Variants in MEF2C observed in about 807,000 individuals in gnomAD.
MEF2C encodes the protein myocyte-specific enhancer factor 2C.
In MEF2C, 6 loss-of-function variants were observed where a neutral mutation model predicts 50.5. That is an observed-to-expected ratio of 0.12 (90% confidence interval 0.07 to 0.23). The LOEUF is 0.23. Ranked by LOEUF, MEF2C falls within the 10% of genes least tolerant of loss-of-function variation. MEF2C has a pLI of 1.00. For synonymous variants in MEF2C, 183 were observed against 228.0 expected, an observed-to-expected ratio of 0.80 and a Z score of 1.78; for missense variants, 276 against 605.0, an observed-to-expected ratio of 0.46 and a Z score of 5.70.
intron 1 of MEF2C, among the ~76,000 whole-genome samples, chr5:88,846,404 G>A (rs556877997): frequency 1.7e-4 from 26 of 152,206 alleles, no homozygotes; most frequent in South Asian, 1.4e-3. Flanking sequence ...CAAATATATG[G>A]CATTTCCCTA....
chr5:88,801,802 T>C (rs556923277), intron 3 of MEF2C, among the ~76,000 whole-genome samples: 2 of 152,230 alleles, frequency 1.3e-5, no homozygotes, highest in South Asian at 4.1e-4. Flanking sequence ...GGGAACTTTT[T>C]ATAAATGCAA....
chr5:88,747,981 C>T, intron 6 of MEF2C: 1 of 892,600 alleles, frequency 1.1e-6, no homozygotes, highest in Non-Finnish European at 1.3e-6. Flanking sequence ...TAATTTGGCT[C>T]GACCTAATTT....
chr5:88,767,353 T>C (rs1360375087), intron 3 of MEF2C, among the ~76,000 whole-genome samples: 1 of 152,198 alleles, frequency 6.6e-6, no homozygotes, highest in African/African-American at 2.4e-5. Flanking sequence ...GTAAGCATTG[T>C]CTATACTATC....
intron 4 of MEF2C, among the ~76,000 whole-genome samples, chr5:88,754,264 A>G (rs1340313989): frequency 6.6e-6 from 1 of 152,084 alleles, no homozygotes; most frequent in Non-Finnish European, 1.5e-5. Context: ...CGAAGACCCC[A>G]TCTCTTTTTG....
At chr5:88,821,455 G>T (rs371246665) in intron 2 of MEF2C, among the ~76,000 whole-genome samples, 8 of 151,722 alleles carry the variant, frequency 5.3e-5, no homozygotes, top group East Asian at 3.9e-4. Context: ...ATAAGAGATT[G>T]CATCTCCTTA....
chr5:88,868,546 A>AC (rs1299146948), intron 1 of MEF2C, among the ~76,000 whole-genome samples: 2 of 151,976 alleles, frequency 1.3e-5, no homozygotes, highest in African/African-American at 2.4e-5. Flanking sequence ...TCCGTGTGAC[A>AC]CCCCCCACCC....
chr5:88,799,070 T>G (rs937664304), intron 3 of MEF2C, among the ~76,000 whole-genome samples: 1 of 152,196 alleles, frequency 6.6e-6, no homozygotes, highest in Non-Finnish European at 1.5e-5. Flanking sequence ...TCGTATGAGG[T>G]GTCTGTCGAC....
At chr5:88,772,995 A>G (rs1178242238) in intron 3 of MEF2C, 2 of 827,770 alleles carry the variant, frequency 2.4e-6, no homozygotes, top group African/African-American at 3.7e-5. Context: ...TGTTCTGATT[A>G]GAGAAAAGTG....
chr5:88,782,461 T>A (rs534124108), intron 3 of MEF2C, among the ~76,000 whole-genome samples: 1 of 66,076 alleles, frequency 1.5e-5, no homozygotes, highest in African/African-American at 4.7e-5. Context: ...CATGAAATCA[T>A]CTCAAAAAAA....
chr5:88,857,069 A>T (rs997232956), intron 1 of MEF2C, among the ~76,000 whole-genome samples: 3 of 152,200 alleles, frequency 2.0e-5, no homozygotes, highest in African/African-American at 7.2e-5. Context: ...CTGGGGGGCT[A>T]TACCCTGCAA....
chr5:88,805,068 G>C (rs531933592), intron 2 of MEF2C, among the ~76,000 whole-genome samples: 8 of 152,082 alleles, frequency 5.3e-5, no homozygotes, highest in Non-Finnish European at 1.2e-4. Flanking sequence ...CCAGGGAACT[G>C]GTCATGTTTC....
Position 88,719,254 on chromosome 5 carries a change from A to G in MEF2C, c.*3350T>C, listed in dbSNP as rs939894549. 6.6e-6 allele frequency: 1 copy of G among 152,228 alleles called. No homozygotes were observed. Among genetic ancestry groups the G allele is most frequent in the Non-Finnish European group, 1.5e-5 (1 of 68,036 alleles). The allele number at this position is 152,228 out of a possible 1,614,324, so 9.4% of individuals were successfully genotyped here. On this transcript the variant is annotated 3_prime_UTR_variant, in exon 11 of 11. Coordinates refer to ENST00000504921, the MANE Select transcript of MEF2C (RefSeq NM_002397.5). ...TTAACTTTTAAATGATCTGGGGATG[A>G]CAGGTATTTTTATATTCATCATTAC...
intron 6 of MEF2C, chr5:88,748,866 G>T (rs982457803): frequency 1.0e-6 from 1 of 984,772 alleles, no homozygotes; most frequent in Non-Finnish European, 1.2e-6. Context: ...ATTAAGGAAG[G>T]TTCTAGTTAA....
At position 88,901,558 on chromosome 5, in the gene MEF2C, G is replaced by C. The variant is rs1835652074; in HGVS notation, c.-240+2358C>G. Reference sequence around the variant, plus strand: ...AACAGGAAAACAATTTTTCTCCACTGTAAATAAGCTATCTGTAAGATAGGA... The same window carrying C: ...AACAGGAAAACAATTTTTCTCCACTCTAAATAAGCTATCTGTAAGATAGGA... On this transcript the variant is annotated intron_variant, in intron 1 of 11. Coordinates refer to the MEF2C transcript ENST00000340208. Among the ~76,000 whole-genome samples, 3 of 150,112 alleles carry C rather than the reference G, an allele frequency of 2.0e-5. No homozygotes were observed. In the South Asian group the frequency reaches 6.3e-4, roughly 32 times the overall value.
At chr5:88,787,671 T>C (rs1323978412) in intron 3 of MEF2C, among the ~76,000 whole-genome samples, 2 of 152,156 alleles carry the variant, frequency 1.3e-5, no homozygotes, top group Non-Finnish European at 1.5e-5. Context: ...GCTTTATTTT[T>C]CCCCCACATG....
chr5:88,838,495 T>C (rs2153290268), intron 1 of MEF2C: 1 of 910,652 alleles, frequency 1.1e-6, no homozygotes, highest in East Asian at 1.2e-4. Flanking sequence ...CCAAAAGAAT[T>C]GTCTTCCTGA....
chr5:88,806,400 A>G (rs188850703), intron 2 of MEF2C, among the ~76,000 whole-genome samples: 21 of 152,208 alleles, frequency 1.4e-4, no homozygotes, highest in Admixed American at 1.2e-3. Context: ...CAAACCTTCC[A>G]AAGTTCAACC....
chr5:88,768,286 C>T (rs2152746463), intron 3 of MEF2C, among the ~76,000 whole-genome samples: 1 of 152,264 alleles, frequency 6.6e-6, no homozygotes, highest in Admixed American at 6.5e-5. Flanking sequence ...ACTGTAGTTG[C>T]TCAATAAATG....
At chr5:88,831,569 A>G (rs1016452254) in intron 1 of MEF2C, among the ~76,000 whole-genome samples, 5 of 152,028 alleles carry the variant, frequency 3.3e-5, no homozygotes, top group Admixed American at 1.3e-4. Flanking sequence ...TAAAGAGAAA[A>G]TGCTAGATAA....
Sources: gnomAD v4.1 joint callset for allele counts (sites outside exome capture counted in the v4.1 genomes callset) on GRCh38, gnomAD v4.1.1 for gene constraint, MANE v1.5 for transcripts, NCBI Gene and HGNC (gene_info 2026-07-23, HGNC 2026-07-21) for gene names.